Variants in RBMS3 observed in about 807,000 individuals in gnomAD.
RBMS3 encodes the protein RNA binding motif single stranded interacting protein 3.
In RBMS3, 27 loss-of-function variants were observed where a neutral mutation model predicts 66.8. The ratio of observed to expected loss-of-function variants is 0.40; its 90% CI spans 0.30 to 0.56. RBMS3 has a LOEUF of 0.56. RBMS3 is among the 20% of genes least tolerant of loss of function. The pLI is 0.40. For synonymous variants in RBMS3, 188 were observed against 183.0 expected, an observed-to-expected ratio of 1.03 and a Z score of -0.22; for missense variants, 513 against 549.5, an observed-to-expected ratio of 0.93 and a Z score of 0.66.
intron 1 of RBMS3, among the ~76,000 whole-genome samples, chr3:29,423,616 T>A (rs377024794): frequency 1.4e-3 from 212 of 152,336 alleles, no homozygotes; most frequent in African/African-American, 4.8e-3. Flanking sequence ...AAGAATGATA[T>A]ATATTAGCAT....
chr3:29,639,062 T>A (rs2049582096), intron 4 of RBMS3, among the ~76,000 whole-genome samples: 1 of 151,836 alleles, frequency 6.6e-6, no homozygotes, highest in South Asian at 2.1e-4. Context: ...TTTACTCTGG[T>A]TTACTTACAA....
At chr3:29,933,248 G>GTCAAAGTTA (rs1431331095) in intron 10 of RBMS3, among the ~76,000 whole-genome samples, 1 of 152,140 alleles carries the variant, frequency 6.6e-6, no homozygotes, top group Non-Finnish European at 1.5e-5. Context: ...TATTTAATAA[G>GTCAAAGTTA]TCAAAGTTAC....
At chr3:29,710,074 T>C (rs62234939) in intron 4 of RBMS3, among the ~76,000 whole-genome samples, 68,695 of 152,060 alleles carry the variant, frequency 0.45, 15,815 homozygotes, top group Middle Eastern at 0.55. Context: ...GCAATTGGCA[T>C]TACCTGTTCA....
At chr3:29,834,118 G>T (rs2058443375) in intron 6 of RBMS3, among the ~76,000 whole-genome samples, 1 of 151,966 alleles carries the variant, frequency 6.6e-6, no homozygotes, top group South Asian at 2.1e-4. Context: ...GAGAGATAAA[G>T]ACTTTCCCAG....
chr3:29,868,966 T>C lies in RBMS3; in HGVS notation c.744+2T>C. On this transcript the variant is annotated splice_donor_variant, in intron 7 of 14. Coordinates refer to ENST00000383767, the MANE Select transcript of RBMS3 (RefSeq NM_001003793.3). LOFTEE classifies it high-confidence loss of function. ...AGGCCTTGGCCCAGGGAAGGAGAGG[T>C]GAGTCCTGACTGATAACATTTGCTC... 1.9e-6 allele frequency: 3 copies of C among 1,586,712 alleles called. No homozygotes were observed. Among genetic ancestry groups the C allele is most frequent in the South Asian group, 1.1e-5 (1 of 87,148 alleles).
intron 10 of RBMS3, among the ~76,000 whole-genome samples, chr3:29,917,753 TGG>T (rs2060675849): frequency 6.6e-6 from 1 of 152,062 alleles, no homozygotes; most frequent in Non-Finnish European, 1.5e-5. Flanking sequence ...ATTAGCATCT[TGG>T]GGTAAATGAA....
intron 1 of RBMS3, among the ~76,000 whole-genome samples, chr3:29,412,693 G>A (rs546520474): frequency 4.3e-4 from 65 of 152,262 alleles, no homozygotes; most frequent in South Asian, 1.4e-3. Context: ...GGCTGGCTGC[G>A]TGGCCTGTCC....
intron 3 of RBMS3, among the ~76,000 whole-genome samples, chr3:29,564,468 A>G (rs1014932975): frequency 2.0e-5 from 3 of 150,552 alleles, no homozygotes; most frequent in African/African-American, 4.9e-5. Flanking sequence ...CCTGGGCGAC[A>G]AGAGCAAAAA....
At chr3:29,665,768 T>C (rs1458480769) in intron 4 of RBMS3, among the ~76,000 whole-genome samples, 1 of 152,210 alleles carries the variant, frequency 6.6e-6, no homozygotes, top group African/African-American at 2.4e-5. Flanking sequence ...GCAAAAAAAT[T>C]AATTAATTAT....
intron 1 of RBMS3, among the ~76,000 whole-genome samples, chr3:29,311,952 G>A (rs926728084): frequency 6.6e-6 from 1 of 151,802 alleles, no homozygotes; most frequent in African/African-American, 2.4e-5. Context: ...TTGGATCAGA[G>A]ATTCCTAAGT....
intron 3 of RBMS3, among the ~76,000 whole-genome samples, chr3:29,516,623 G>A (rs2044638519): frequency 6.6e-6 from 1 of 151,970 alleles, no homozygotes; most frequent in African/African-American, 2.4e-5. Context: ...TCACTGTGTT[G>A]CCCAGGCTTG....
chr3:29,372,114 G>A (rs1409068052), intron 1 of RBMS3, among the ~76,000 whole-genome samples: 3 of 151,690 alleles, frequency 2.0e-5, no homozygotes, highest in African/African-American at 7.3e-5. Context: ...ATTGCCGTTA[G>A]AATGCAAGTT....
chr3:29,451,236 C>T (rs557056554), intron 2 of RBMS3, among the ~76,000 whole-genome samples: 1 of 152,258 alleles, frequency 6.6e-6, no homozygotes, highest in South Asian at 2.1e-4. Context: ...TGTGTTAGTA[C>T]ATGTTTGTAT....
intron 4 of RBMS3, among the ~76,000 whole-genome samples, chr3:29,592,653 A>T (rs1304180927): frequency 1.3e-5 from 2 of 152,152 alleles, no homozygotes; most frequent in African/African-American, 4.8e-5. Context: ...TGATCCCATT[A>T]CTGGGTATAT....
chr3:29,777,142 C>G (rs946570344), intron 6 of RBMS3, among the ~76,000 whole-genome samples: 4 of 151,800 alleles, frequency 2.6e-5, no homozygotes, highest in Admixed American at 1.3e-4. Context: ...AAATTCTGTT[C>G]AACTACAATA....
intron 2 of RBMS3, among the ~76,000 whole-genome samples, chr3:29,435,382 T>C (rs9863789): frequency 0.36 from 55,362 of 152,022 alleles, 10,226 homozygotes; most frequent in East Asian, 0.44. Context: ...GACCATGTAT[T>C]TGGAGAAGCA....
intron 1 of RBMS3, among the ~76,000 whole-genome samples, chr3:29,288,480 T>A (rs1248246917): frequency 6.6e-6 from 1 of 151,958 alleles, no homozygotes; most frequent in Non-Finnish European, 1.5e-5. Context: ...TTTTCCAGCT[T>A]TATTGTGGTG....
At chr3:29,534,706 T>C (rs35907) in intron 3 of RBMS3, among the ~76,000 whole-genome samples, 57,907 of 152,006 alleles carry the variant, frequency 0.38, 11,438 homozygotes, top group Middle Eastern at 0.51. Context: ...ATATCAAATC[T>C]TCTAGATGGT....
At chr3:29,989,138 T>A (rs941159992) in intron 13 of RBMS3, among the ~76,000 whole-genome samples, 3 of 152,306 alleles carry the variant, frequency 2.0e-5, no homozygotes, top group African/African-American at 4.8e-5. Context: ...AGAAAGAAGT[T>A]GTACAACTCT....
Sources: allele counts gnomAD v4.1 joint callset (sites outside exome capture counted in the v4.1 genomes callset), GRCh38; gene constraint gnomAD v4.1.1; transcripts MANE v1.5; gene names NCBI Gene and HGNC (gene_info 2026-07-23, HGNC 2026-07-21).